The following RASGEF1C variants were observed in gnomAD, a reference collection of about 807,000 sequenced individuals.
RASGEF1C encodes RasGEF domain family member 1C.
In RASGEF1C, 27 loss-of-function variants were observed where a neutral mutation model predicts 58.1. That is an observed-to-expected ratio of 0.46 (90% CI 0.34 to 0.64). RASGEF1C has a LOEUF of 0.64. Ranked by LOEUF, RASGEF1C falls within the 30% of genes least tolerant of loss-of-function variation. The probability of loss-of-function intolerance (pLI) is 0.01; values close to 1 mark genes in which losing one functional copy is unlikely to be tolerated. For missense variants in RASGEF1C, 502 were observed against 605.1 expected (o/e 0.83, Z 1.79); for synonymous variants, 243 against 246.3 (o/e 0.99, Z 0.13).
intron 1 of RASGEF1C, among the ~76,000 whole-genome samples, chr5:180,160,608 A>C (rs1766925322): frequency 6.6e-6 from 1 of 152,190 alleles, no homozygotes. Context: ...ATTGGCTCCG[A>C]ATCTCAGTAG....
At chr5:180,101,636 G>GCC in intron 13 of RASGEF1C, 111 bp from the exon 14 acceptor site, 1 of 1,335,900 alleles carries the variant, frequency 7.5e-7, no homozygotes, top group Non-Finnish European at 1.0e-6. Context: ...CCAGCCTCCT[G>GCC]CCCCAGAGGG....
At chr5:180,201,689 T>C (rs1028106700) in intron 1 of RASGEF1C, among the ~76,000 whole-genome samples, 3 of 152,230 alleles carry the variant, frequency 2.0e-5, no homozygotes, top group Non-Finnish European at 2.9e-5. Context: ...CCAAAATTTA[T>C]AATGGAAACG....
intron 1 of RASGEF1C, among the ~76,000 whole-genome samples, chr5:180,190,005 A>G (rs909230091): frequency 3.3e-5 from 5 of 151,752 alleles, no homozygotes; most frequent in Non-Finnish European, 7.4e-5. Context: ...TGCGAAAAAA[A>G]AAACCTGATA....
intron 12 of RASGEF1C, among the ~76,000 whole-genome samples, chr5:180,105,305 G>C (rs1006242762): frequency 6.6e-6 from 1 of 152,194 alleles, no homozygotes; most frequent in Non-Finnish European, 1.5e-5. Flanking sequence ...GCTCACGCCT[G>C]TCATCCCAGC....
At chr5:180,180,470 A>G (rs1192204523) in intron 1 of RASGEF1C, among the ~76,000 whole-genome samples, 1 of 152,206 alleles carries the variant, frequency 6.6e-6, no homozygotes, top group Non-Finnish European at 1.5e-5. Context: ...TGTGCACAGT[A>G]CTTAACAATT....
At position 180,188,175 on chromosome 5, in the gene RASGEF1C, T is replaced by A. The variant is rs528708933; in HGVS notation, c.-7+20853A>T. ...AAAAGGAATCAAGTACAGATACATG[T>A]CACTGCATAAATGAACCTCAGAAAG... is the stretch of plus-strand genomic sequence containing the variant. On this transcript the variant is annotated intron_variant, in intron 1 of 13. Transcript: ENST00000361132. 3.9e-5 allele frequency among the ~76,000 whole-genome samples: 6 copies of A among 152,276 alleles called. No individual in the cohort carries two copies. The East Asian group carries it at 1.2e-3, about 29-fold the overall frequency.
Position 180,143,997 on chromosome 5 carries a change from C to A in RASGEF1C, c.-6-5939G>T, listed in dbSNP as rs1053983771. 1.3e-5 allele frequency among the ~76,000 whole-genome samples: 2 copies of A among 152,186 alleles called. No homozygotes were observed. Among genetic ancestry groups the A allele is most frequent in the East Asian group, 3.9e-4 (2 of 5,188 alleles). On this transcript the variant is annotated intron_variant, in intron 1 of 13. Coordinates refer to ENST00000361132, the MANE Select transcript of RASGEF1C (RefSeq NM_175062.4). This position sits in a 1 kb window ranked among gnomAD's most constrained non-coding sequence, Gnocchi z 4.3. ...GGACCACGCGCGTGTCTCAGGAAGA[C>A]ACCTGTGAGCTCTGAGAAGAGGGAG...
intron 12 of RASGEF1C, among the ~76,000 whole-genome samples, chr5:180,105,246 A>G (rs772725316): frequency 7.2e-5 from 11 of 152,170 alleles, no homozygotes; most frequent in Admixed American, 3.3e-4. Context: ...TCCCTTTGCC[A>G]TATCTGAACT....
intron 1 of RASGEF1C, among the ~76,000 whole-genome samples, chr5:180,181,484 A>G (rs573026144): frequency 4.3e-4 from 66 of 152,186 alleles, no homozygotes; most frequent in African/African-American, 1.5e-3. Context: ...AGTGGAGTGG[A>G]GTGGGGTGGG....
rs561837434 is a variant in RASGEF1C, at chr5:180,128,746, G to A, written c.439-136C>T. On this transcript the variant is annotated intron_variant, in intron 4 of 13. Coordinates refer to ENST00000361132, the MANE Select transcript of RASGEF1C (RefSeq NM_175062.4). ...TCTGGAGAAAAGGCCAGGTACCAGCGCAGGGGCCAGGACCTGCCCCTACCC... is the reference window on the plus strand; with the variant it reads ...TCTGGAGAAAAGGCCAGGTACCAGCACAGGGGCCAGGACCTGCCCCTACCC... The A allele has an allele frequency of 3.1e-4, 274 of 877,576 alleles. No individual in the cohort carries two copies. The African/African-American group carries it at 3.5e-3, about 11-fold the overall frequency. The allele number at this position is 877,576 out of a possible 1,614,324, so 54.4% of individuals were successfully genotyped here. A position where few individuals can be genotyped will look rare whatever the true frequency, so the allele number is the denominator to read the frequency against.
At chr5:180,190,181 T>A (rs1247211542) in intron 1 of RASGEF1C, among the ~76,000 whole-genome samples, 3 of 151,574 alleles carry the variant, frequency 2.0e-5, no homozygotes, top group Non-Finnish European at 2.9e-5. Flanking sequence ...ACAGTGAGAA[T>A]CTGTCTCTAC....
intron 1 of RASGEF1C, among the ~76,000 whole-genome samples, chr5:180,185,694 T>C (rs1168802515): frequency 6.6e-6 from 1 of 151,864 alleles, no homozygotes; most frequent in East Asian, 1.9e-4. Context: ...TTAGATGACA[T>C]GCAAAAATTA....
At chr5:180,136,323 G>A (rs1395003690) in intron 4 of RASGEF1C, 55 bp downstream of exon 4, 2 of 1,511,560 alleles carry the variant, frequency 1.3e-6, no homozygotes, top group Non-Finnish European at 1.8e-6. Context: ...GGGAACAGGC[G>A]CAGGCCTGGG....
chr5:180,172,875 TCCCG>T (rs1767135043), intron 1 of RASGEF1C, among the ~76,000 whole-genome samples: 1 of 152,182 alleles, frequency 6.6e-6, no homozygotes, highest in Non-Finnish European at 1.5e-5. Context: ...CTCCCTGTGC[TCCCG>T]CCTCCATGCC....
At chr5:180,109,066 A>C (rs543513397) in intron 12 of RASGEF1C, among the ~76,000 whole-genome samples, 2 of 152,330 alleles carry the variant, frequency 1.3e-5, no homozygotes, top group South Asian at 4.1e-4. Context: ...CTCTGCCCTG[A>C]GACTCCTCTA....
chr5:180,110,453 T>C (rs993058447), intron 12 of RASGEF1C, among the ~76,000 whole-genome samples: 1 of 142,706 alleles, frequency 7.0e-6, no homozygotes, highest in Non-Finnish European at 1.5e-5. Flanking sequence ...TGGGTCCCTC[T>C]GTGACATGCT....
chr5:180,162,618 C>T (rs192162472), intron 1 of RASGEF1C, among the ~76,000 whole-genome samples: 83 of 152,312 alleles, frequency 5.4e-4, no homozygotes, highest in Middle Eastern at 3.4e-3. Flanking sequence ...CTCCCCTCAC[C>T]GCATTAAGGA....
rs1189384340 is a variant in RASGEF1C at position 180,133,672 on chromosome 5, A to T, written c.438+2706T>A. Among the ~76,000 whole-genome samples, 1,093 of 152,348 alleles carry T rather than the reference A, an allele frequency of 7.2e-3. 12 individuals carry two copies. The highest frequency in any genetic ancestry group is 0.026 in the African/African-American group (1,060 of 41,566). The stretch of plus-strand genomic sequence containing the variant: ...CTATGTCTATGGTTTGCTTACAGCT[A>T]ACTTGTGGGAAAGCAAAATGTGTGT... On this transcript the variant is annotated intron_variant, in intron 4 of 13. Transcript: ENST00000361132.
intron 4 of RASGEF1C, among the ~76,000 whole-genome samples, 161 bp from the exon 5 acceptor site, chr5:180,128,771 C>T (rs940740666): frequency 6.6e-6 from 1 of 152,248 alleles, no homozygotes; most frequent in Non-Finnish European, 1.5e-5. Flanking sequence ...TGCCCCTACC[C>T]TGAAACAGGA....
Sources: allele counts gnomAD v4.1 joint callset (sites outside exome capture counted in the v4.1 genomes callset), GRCh38; gene constraint gnomAD v4.1.1; non-coding constraint Gnocchi (gnomAD v3.1); transcripts MANE v1.5; gene names NCBI Gene and HGNC (gene_info 2026-07-23, HGNC 2026-07-21).